The following DOCK10 variants were observed in gnomAD, a reference collection of about 807,000 sequenced individuals.
DOCK10 encodes the protein dedicator of cytokinesis 10.
A neutral mutation model predicts 280.1 loss-of-function variants in DOCK10; 145 were observed. That is an observed-to-expected ratio of 0.52 (90% CI 0.45 to 0.59). The LOEUF is 0.59. Ranked by LOEUF, DOCK10 falls within the 20% of genes least tolerant of loss-of-function variation. DOCK10 has a pLI of 0.00. For synonymous variants in DOCK10, 915 were observed against 942.2 expected (o/e 0.97, Z 0.53); for missense variants, 2,368 against 2,651.7 (o/e 0.89, Z 2.35).
At chr2:224,990,461 C>T (rs143360236) in intron 1 of DOCK10, among the ~76,000 whole-genome samples, 6 of 152,262 alleles carry the variant, frequency 3.9e-5, no homozygotes, top group East Asian at 3.9e-4. Flanking sequence ...CTAATATTCA[C>T]GTAAAGTGCT....
At chr2:225,010,632 TTCA>T (rs981634004) in intron 1 of DOCK10, 1 of 154,316 alleles carries the variant, frequency 6.5e-6, no homozygotes, top group Non-Finnish European at 1.5e-5. Flanking sequence ...GTTCAGGCAC[TTCA>T]TCTTTTGATT....
intron 42 of DOCK10, among the ~76,000 whole-genome samples, chr2:224,797,398 C>G (rs1476057055): frequency 6.6e-6 from 1 of 151,896 alleles, no homozygotes; most frequent in East Asian, 1.9e-4. Flanking sequence ...GATGACAATC[C>G]AAAATAACAG....
chr2:224,822,078 T>A (rs1395581739), intron 28 of DOCK10, among the ~76,000 whole-genome samples: 2 of 152,208 alleles, frequency 1.3e-5, no homozygotes, highest in Non-Finnish European at 2.9e-5. Context: ...GGCTTTTAAC[T>A]GTATATTATT....
At chr2:224,962,943 G>C (rs1704532350) in intron 1 of DOCK10, among the ~76,000 whole-genome samples, 1 of 152,124 alleles carries the variant, frequency 6.6e-6, no homozygotes, top group South Asian at 2.1e-4. Flanking sequence ...ATGTTTTAAG[G>C]TATATGAATT....
chr2:224,804,649 T>C (rs1162591707), intron 38 of DOCK10, 145 bp downstream of exon 38: 2 of 598,466 alleles, frequency 3.3e-6, no homozygotes, highest in East Asian at 3.2e-5. Flanking sequence ...TCAAACTTAC[T>C]GTGTCTAATG....
In DOCK10 at chr2:224,875,451, T is replaced by C. The variant is rs188380777; in HGVS notation, c.931+587A>G. 3.9e-5 allele frequency among the ~76,000 whole-genome samples: 6 copies of C among 152,342 alleles called. No homozygotes were observed. The East Asian group carries it at 1.2e-3, about 29-fold the overall frequency. ...CTATGTAGCTACAGACTTGCTTTTC[T>C]AACCTTTTCACCTTTTCTTTCCTCT... On this transcript the variant is annotated intron_variant, in intron 8 of 55. Transcript: ENST00000258390.
chr2:224,918,466 G>C (rs1701463132), intron 2 of DOCK10, among the ~76,000 whole-genome samples: 1 of 151,276 alleles, frequency 6.6e-6, no homozygotes, highest in Admixed American at 6.6e-5. Flanking sequence ...ATGTGAGCAT[G>C]TGTGGTGAGT....
At chr2:225,026,419 T>C in intron 1 of DOCK10, among the ~76,000 whole-genome samples, 1 of 152,078 alleles carries the variant, frequency 6.6e-6, no homozygotes, top group South Asian at 2.1e-4. Flanking sequence ...CACAAGGACA[T>C]TGCAAAACAC....
At chr2:224,998,578 C>G (rs1706340378) in intron 1 of DOCK10, among the ~76,000 whole-genome samples, 1 of 152,138 alleles carries the variant, frequency 6.6e-6, no homozygotes, top group African/African-American at 2.4e-5. Context: ...ATAAAAGCTT[C>G]TGCTATATAT....
chr2:224,841,733 G>A, intron 23 of DOCK10, 71 bp downstream of exon 23: 1 of 1,017,992 alleles, frequency 9.8e-7, no homozygotes, highest in South Asian at 1.4e-5. Context: ...GCCCATCGGT[G>A]GAAAATGTAA....
chr2:225,042,277 G>A lies in DOCK10; in HGVS notation c.98C>T (p.Ala33Val), dbSNP rs1053177656. ...CCGCTGCTGCTGCCGGCTGCTGACT[G>A]CCACCGCGGCGGCGGACGCGGCGCT... ...RHSAASAAAV[A>V]VSSRQQQRQE... Residue 33 changes from alanine to valine, a missense_variant, in exon 1 of 56, where the codon GCA (alanine) becomes GTA (valine). Ala to Val is a moderately conservative substitution (Grantham distance 64). Transcript: ENST00000258390. The surrounding 1 kb of genome is among the most constrained non-coding windows in gnomAD (Gnocchi z 5.1). The A allele has an allele frequency of 7.5e-7, 1 of 1,335,684 alleles. No individual in the cohort carries two copies. The highest frequency in any genetic ancestry group is 9.6e-7 in the Non-Finnish European group (1 of 1,041,606). 82.7% of individuals were successfully genotyped at this position (1,335,684 alleles called of 1,614,324 possible). A position where few individuals can be genotyped will look rare whatever the true frequency, so the allele number is the denominator to read the frequency against.
At chr2:224,818,689 C>T (rs372371573) in intron 29 of DOCK10, among the ~76,000 whole-genome samples, 471 of 152,294 alleles carry the variant, frequency 3.1e-3, no homozygotes, top group African/African-American at 0.01. Flanking sequence ...TGAGCCACCG[C>T]GCCCTGCCAG....
chr2:224,910,497 A>G (rs983056975), intron 3 of DOCK10, among the ~76,000 whole-genome samples: 2 of 152,186 alleles, frequency 1.3e-5, no homozygotes, highest in African/African-American at 2.4e-5. Flanking sequence ...CTGGTTGTCT[A>G]ATGCTGGCTG....
intron 4 of DOCK10, chr2:224,893,423 A>G (rs1699818159): frequency 5.7e-6 from 1 of 175,042 alleles, no homozygotes; most frequent in Non-Finnish European, 1.2e-5. Flanking sequence ...TTTCTTCCTT[A>G]CATCTTCTTT....
intron 41 of DOCK10, 122 bp from the exon 42 acceptor site, chr2:224,798,091 T>C (rs1692709865): frequency 9.6e-6 from 9 of 937,918 alleles, no homozygotes; most frequent in Middle Eastern, 2.6e-4. Flanking sequence ...AAATAAAGGA[T>C]TGAACAAGGA....
At chr2:224,997,704 C>T (rs1706314373) in intron 1 of DOCK10, among the ~76,000 whole-genome samples, 2 of 152,118 alleles carry the variant, frequency 1.3e-5, no homozygotes, top group South Asian at 4.1e-4. Flanking sequence ...GGAGTACATG[C>T]AGCACCCAGT....
chr2:225,037,079 G>T (rs2106143005), intron 1 of DOCK10, among the ~76,000 whole-genome samples: 1 of 152,248 alleles, frequency 6.6e-6, no homozygotes, highest in Admixed American at 6.5e-5. Context: ...GACACACAAT[G>T]CATTGAGGAA....
At chr2:224,967,086 T>C (rs1313567482) in intron 1 of DOCK10, among the ~76,000 whole-genome samples, 2 of 151,634 alleles carry the variant, frequency 1.3e-5, no homozygotes, top group Non-Finnish European at 2.9e-5. Flanking sequence ...TCTAGTCTTT[T>C]TTTTTTTTTT....
At chr2:225,006,127 T>C (rs1689240843) in intron 1 of DOCK10, among the ~76,000 whole-genome samples, 1 of 152,202 alleles carries the variant, frequency 6.6e-6, no homozygotes, top group African/African-American at 2.4e-5. Context: ...TTTTAAATAT[T>C]TGACCAATAC....
Sources: allele counts gnomAD v4.1 joint callset (sites outside exome capture counted in the v4.1 genomes callset), GRCh38; gene constraint gnomAD v4.1.1; non-coding constraint Gnocchi (gnomAD v3.1); transcripts MANE v1.5; gene names NCBI Gene and HGNC (gene_info 2026-07-23, HGNC 2026-07-21).